Variants in BLTP1 observed in about 807,000 individuals in gnomAD.
The protein encoded by BLTP1 is fragile site-associated protein.
chr4:122,246,722 C>A, the BLTP1 span: 1 of 1,612,558 alleles, frequency 6.2e-7, no homozygotes, highest in Non-Finnish European at 8.5e-7. Context: ...GGAAGAATCT[C>A]CAACTACGGC....
the BLTP1 span, among the ~76,000 whole-genome samples, chr4:122,161,816 A>G: frequency 6.6e-6 from 1 of 152,218 alleles, no homozygotes; most frequent in African/African-American, 2.4e-5. Context: ...CTTTGACAAT[A>G]GCTCATAATG....
the BLTP1 span, among the ~76,000 whole-genome samples, chr4:122,285,506 C>G: frequency 7.9e-5 from 12 of 152,200 alleles, no homozygotes; most frequent in African/African-American, 2.9e-4. Flanking sequence ...TCTGGCCATT[C>G]ACAGATGCCC....
At chr4:122,213,191 C>G in the BLTP1 span, among the ~76,000 whole-genome samples, 2 of 152,102 alleles carry the variant, frequency 1.3e-5, no homozygotes, top group Non-Finnish European at 2.9e-5. Context: ...CACCACCACA[C>G]CCATCTAATT....
the BLTP1 span, chr4:122,264,191 CT>C: frequency 6.7e-7 from 1 of 1,493,550 alleles, no homozygotes; most frequent in South Asian, 1.5e-5. Flanking sequence ...CTGCTGTACA[CT>C]TTTATGTGTT....
the BLTP1 span, chr4:122,200,827 G>A: frequency 1.3e-6 from 1 of 783,658 alleles, no homozygotes; most frequent in Non-Finnish European, 1.5e-6. Context: ...CAAGGAGCTA[G>A]ATGTAGCCAT....
the BLTP1 span, among the ~76,000 whole-genome samples, chr4:122,290,599 A>G: frequency 6.6e-6 from 1 of 151,558 alleles, no homozygotes; most frequent in Admixed American, 6.6e-5. Flanking sequence ...CATCCTGGCT[A>G]ACACAGTGAA....
the BLTP1 span, chr4:122,169,855 TC>T: frequency 5.1e-6 from 5 of 985,200 alleles, no homozygotes; most frequent in Non-Finnish European, 6.0e-6. Flanking sequence ...GAAGATTGTT[TC>T]CCCATGGAAT....
At chr4:122,231,134 T>C in the BLTP1 span, among the ~76,000 whole-genome samples, 5 of 152,162 alleles carry the variant, frequency 3.3e-5, no homozygotes, top group African/African-American at 1.2e-4. Flanking sequence ...ACATAAAATA[T>C]TTTCCCATGC....
At chr4:122,257,556 TACTC>T in the BLTP1 span, 2 of 1,452,618 alleles carry the variant, frequency 1.4e-6, no homozygotes, top group Non-Finnish European at 1.9e-6. Context: ...GGTGTTTTCT[TACTC>T]AACACAATTA....
chr4:122,332,291 A>G, the BLTP1 span, among the ~76,000 whole-genome samples: 1 of 151,966 alleles, frequency 6.6e-6, no homozygotes, highest in Non-Finnish European at 1.5e-5. Context: ...AGGTACTATA[A>G]ACAGTTAAAA....
the BLTP1 span, among the ~76,000 whole-genome samples, chr4:122,194,024 G>A: frequency 1.6e-4 from 25 of 151,968 alleles, no homozygotes; most frequent in South Asian, 4.6e-3. Flanking sequence ...CACTACGCCC[G>A]GCTAATTTTT....
chr4:122,262,628 A>G, the BLTP1 span: 6 of 993,090 alleles, frequency 6.0e-6, no homozygotes, highest in South Asian at 1.9e-5. Context: ...CCACAATCCT[A>G]GTATACATGA....
the BLTP1 span, chr4:122,349,440 T>C: frequency 6.4e-7 from 1 of 1,569,280 alleles, no homozygotes; most frequent in Non-Finnish European, 8.7e-7. The surrounding 1 kb of genome is among the most constrained non-coding windows in gnomAD (Gnocchi z 4.5). Flanking sequence ...AATTATTGTT[T>C]CTATTTTAGC....
chr4:122,202,739 T>C, the BLTP1 span, among the ~76,000 whole-genome samples: 4 of 152,072 alleles, frequency 2.6e-5, no homozygotes, highest in African/African-American at 9.7e-5. Flanking sequence ...GAAAATATTA[T>C]TTTGTACTAG....
chr4:122,343,670 TTTA>T, the BLTP1 span: 1 of 1,557,204 alleles, frequency 6.4e-7, no homozygotes, highest in East Asian at 2.3e-5. Flanking sequence ...GCTTTCAAGC[TTTA>T]TTTTCATAAA....
At chr4:122,278,879 A>T in the BLTP1 span, among the ~76,000 whole-genome samples, 1 of 152,156 alleles carries the variant, frequency 6.6e-6, no homozygotes, top group Non-Finnish European at 1.5e-5. Context: ...TGATCTGCTC[A>T]CCTCACTTTC....
the BLTP1 span, chr4:122,152,917 A>G: frequency 1.1e-6 from 1 of 869,720 alleles, no homozygotes; most frequent in African/African-American, 1.8e-5. Flanking sequence ...CTCGGACTGC[A>G]GCCTTGCCAG....
the BLTP1 span, among the ~76,000 whole-genome samples, chr4:122,311,139 C>G: frequency 6.6e-6 from 1 of 151,982 alleles, no homozygotes; most frequent in Non-Finnish European, 1.5e-5. Flanking sequence ...ATTTCCTTAA[C>G]AGTTTATCTT....
At chr4:122,312,873 A>G in the BLTP1 span, 1 of 843,484 alleles carries the variant, frequency 1.2e-6, no homozygotes, top group Non-Finnish European at 1.4e-6. Flanking sequence ...CATTAAAGAT[A>G]TATGTACTCT....
Sources: allele counts gnomAD v4.1 joint callset (sites outside exome capture counted in the v4.1 genomes callset), GRCh38; gene constraint gnomAD v4.1.1; non-coding constraint Gnocchi (gnomAD v3.1); transcripts MANE v1.5; gene names NCBI Gene and HGNC (gene_info 2026-07-23, HGNC 2026-07-21).